Variants in TMEM132D observed in about 807,000 individuals in gnomAD.
TMEM132D encodes the protein mature OL transmembrane protein.
Under a neutral mutation model 62.3 loss-of-function variants are expected in TMEM132D, and 21 were observed. The ratio of observed to expected loss-of-function variants is 0.34; its 90% confidence interval spans 0.24 to 0.49. The LOEUF (loss-of-function observed/expected upper bound fraction) is 0.49. TMEM132D is among the 20% of genes least tolerant of loss of function. The pLI is 0.99. For synonymous variants in TMEM132D, 621 were observed against 575.6 expected, an observed-to-expected ratio of 1.08 and a Z score of -1.13; for missense variants, 1,346 against 1,402.8, an observed-to-expected ratio of 0.96 and a Z score of 0.65.
intron 4 of TMEM132D, among the ~76,000 whole-genome samples, chr12:129,228,323 T>A (rs1468162650): frequency 6.6e-6 from 1 of 152,134 alleles, no homozygotes; most frequent in Non-Finnish European, 1.5e-5. Flanking sequence ...TCCATTTTTG[T>A]GTTGTTTTGA....
At chr12:129,829,015 C>T (rs1056682808) in intron 1 of TMEM132D, among the ~76,000 whole-genome samples, 32 of 152,002 alleles carry the variant, frequency 2.1e-4, no homozygotes, top group African/African-American at 7.7e-4. Flanking sequence ...GAATCTCCAA[C>T]ACCACTGTGC....
At chr12:129,353,495 C>T (rs1197859610) in intron 3 of TMEM132D, among the ~76,000 whole-genome samples, 1 of 152,062 alleles carries the variant, frequency 6.6e-6, no homozygotes, top group African/African-American at 2.4e-5. Flanking sequence ...CCCCTCTTCT[C>T]CTCCACATCG....
chr12:129,460,361 A>T (rs1593019292), intron 3 of TMEM132D, among the ~76,000 whole-genome samples: 1 of 152,104 alleles, frequency 6.6e-6, no homozygotes, highest in East Asian at 1.9e-4. Context: ...CCAGGATTGG[A>T]GATTTGAAAA....
chr12:129,380,285 T>C (rs1870901234), intron 3 of TMEM132D, among the ~76,000 whole-genome samples: 2 of 152,176 alleles, frequency 1.3e-5, no homozygotes, highest in Admixed American at 1.3e-4. Context: ...GAAAAAAAAC[T>C]TCCATTTATT....
rs1874085880 is a variant in TMEM132D, at chr12:129,072,109, GGAA to G, written c.*1763_*1765del. On this transcript the variant is annotated 3_prime_UTR_variant, in exon 9 of 9. Coordinates refer to ENST00000422113, the MANE Select transcript of TMEM132D (RefSeq NM_133448.3). ...TAAAGAGAATTCAATTCTATGGAGA[GGAA>G]GAAGGAGTAAAGACACACACTCAAA... 6.7e-6 allele frequency: 1 copy of G among 150,228 alleles called. No homozygotes were observed. Among genetic ancestry groups the G allele is most frequent in the Admixed American group, 6.7e-5 (1 of 15,018 alleles). 9.3% of individuals were successfully genotyped at this position (150,228 alleles called of 1,614,324 possible). A position where few individuals can be genotyped will look rare whatever the true frequency, so the allele number is the denominator to read the frequency against.
intron 4 of TMEM132D, among the ~76,000 whole-genome samples, chr12:129,327,805 T>A (rs1490353551): frequency 1.3e-5 from 2 of 152,220 alleles, no homozygotes; most frequent in Non-Finnish European, 2.9e-5. Flanking sequence ...GATCTCCTCA[T>A]AGCATTCAGA....
At chr12:129,349,897 A>G (rs1376276770) in intron 3 of TMEM132D, among the ~76,000 whole-genome samples, 1 of 152,150 alleles carries the variant, frequency 6.6e-6, no homozygotes, top group African/African-American at 2.4e-5. Flanking sequence ...TACCCAAAAC[A>G]TATCTTCAGC....
At chr12:129,582,625 T>TTC (rs1322276084) in intron 2 of TMEM132D, among the ~76,000 whole-genome samples, 9 of 69,240 alleles carry the variant, frequency 1.3e-4, no homozygotes, top group Non-Finnish European at 3.1e-4. Flanking sequence ...CTTTCTTTCT[T>TTC]TTTTTTTTTT....
At chr12:129,259,380 G>A (rs1408471715) in intron 4 of TMEM132D, among the ~76,000 whole-genome samples, 2 of 152,162 alleles carry the variant, frequency 1.3e-5, no homozygotes, top group African/African-American at 4.8e-5. Flanking sequence ...TCCAGGCAAG[G>A]GAGGAACCCA....
intron 1 of TMEM132D, among the ~76,000 whole-genome samples, chr12:129,785,695 C>T (rs1871232086): frequency 6.6e-6 from 1 of 152,210 alleles, no homozygotes; most frequent in Non-Finnish European, 1.5e-5. Context: ...AGATCTCCAA[C>T]TTCCAGTCTC....
chr12:129,719,690 G>C (rs184769976), intron 1 of TMEM132D, among the ~76,000 whole-genome samples: 1 of 152,178 alleles, frequency 6.6e-6, no homozygotes, highest in South Asian at 2.1e-4. Context: ...TTAGTTATTC[G>C]ACCAGAAAGT....
intron 3 of TMEM132D, among the ~76,000 whole-genome samples, chr12:129,411,860 T>C (rs1462210585): frequency 2.0e-5 from 3 of 152,222 alleles, no homozygotes; most frequent in African/African-American, 7.2e-5. Flanking sequence ...TCCCATTGTT[T>C]TCATCGTGTT....
chr12:129,459,336 TAAC>T (rs1432132950), intron 3 of TMEM132D, among the ~76,000 whole-genome samples: 2 of 152,186 alleles, frequency 1.3e-5, no homozygotes, highest in African/African-American at 4.8e-5. Flanking sequence ...TGGACACACT[TAAC>T]AATGAGTCAT....
Position 129,371,848 on chromosome 12 carries a change from G to C in TMEM132D, c.1116-34031C>G, listed in dbSNP as rs1017607426. Among the ~76,000 whole-genome samples, 1 of 152,160 alleles carries C rather than the reference G, an allele frequency of 6.6e-6. No individual in the cohort carries two copies. The highest frequency in any genetic ancestry group is 1.5e-5 in the Non-Finnish European group (1 of 68,032). ...TGTCTGTCCCCATGTTTCTTGCTGT[G>C]TCACATCCATGAGTTGTGAGGCATG... On this transcript the variant is annotated intron_variant, in intron 3 of 8. Coordinates refer to ENST00000422113, the MANE Select transcript of TMEM132D (RefSeq NM_133448.3). The surrounding 1 kb of genome is among the most constrained non-coding windows in gnomAD (Gnocchi z 4.3).
intron 1 of TMEM132D, among the ~76,000 whole-genome samples, chr12:129,718,667 G>A (rs1868687126): frequency 6.6e-6 from 1 of 152,142 alleles, no homozygotes; most frequent in African/African-American, 2.4e-5. Context: ...CCATGATACT[G>A]TGGTGTTTTA....
At chr12:129,116,087 C>T (rs1219123112) in intron 5 of TMEM132D, among the ~76,000 whole-genome samples, 1 of 152,146 alleles carries the variant, frequency 6.6e-6, no homozygotes. Context: ...CTCCTGCCTC[C>T]AGCCAGGGCC....
At chr12:129,167,152 T>C (rs1387583078) in intron 5 of TMEM132D, among the ~76,000 whole-genome samples, 1 of 126,760 alleles carries the variant, frequency 7.9e-6, no homozygotes, top group Non-Finnish European at 1.6e-5. Context: ...AGAGTGAGAC[T>C]CTGTTTAAAA....
intron 4 of TMEM132D, among the ~76,000 whole-genome samples, chr12:129,245,712 G>A (rs1241319799): frequency 1.3e-5 from 2 of 152,098 alleles, no homozygotes; most frequent in Non-Finnish European, 2.9e-5. Flanking sequence ...GCACCGTGGT[G>A]GCTAAAAATG....
intron 4 of TMEM132D, among the ~76,000 whole-genome samples, chr12:129,226,700 A>G (rs1183056670): frequency 6.6e-6 from 1 of 152,200 alleles, no homozygotes; most frequent in African/African-American, 2.4e-5. Flanking sequence ...TAACTTTTAC[A>G]TTTGGCTCAC....
Sources: gnomAD v4.1 joint callset for allele counts (sites outside exome capture counted in the v4.1 genomes callset) on GRCh38, gnomAD v4.1.1 for gene constraint, Gnocchi (gnomAD v3.1) non-coding constraint, MANE v1.5 for transcripts, NCBI Gene and HGNC (gene_info 2026-07-23, HGNC 2026-07-21) for gene names.